KDM3B: variants seen among roughly 807,000 people sequenced by gnomAD.
KDM3B encodes lysine demethylase 3B, also known as lysine-specific demethylase 3B.
KDM3B carries 10 observed loss-of-function variants against 170.0 expected under a neutral mutation model. That is an observed-to-expected ratio of 0.06 (90% CI 0.04 to 0.10). The LOEUF (loss-of-function observed/expected upper bound fraction) is 0.10. Ranked by LOEUF, KDM3B falls within the 10% of genes least tolerant of loss-of-function variation. The pLI, the probability that KDM3B is intolerant of heterozygous loss-of-function variation, is 1.00. For missense variants in KDM3B, 1,394 were observed against 2,195.2 expected, an observed-to-expected ratio of 0.64 and a Z score of 7.29; for synonymous variants, 831 against 834.8, an observed-to-expected ratio of 1.00 and a Z score of 0.08.
chr5:138,362,548 GTA>G lies in KDM3B; in HGVS notation c.192+9564_192+9565del, dbSNP rs1476038546. On this transcript the variant is annotated intron_variant, in intron 1 of 23. Transcript: ENST00000314358. The stretch of plus-strand genomic sequence containing the variant: ...CCAGGATATATATATACATATATGT[GTA>G]TACACACACACACACACACACACAC... 7.3e-5 allele frequency among the ~76,000 whole-genome samples: 5 copies of G among 68,848 alleles called. No homozygotes were observed. The Admixed American group carries it at 8.2e-4, about 11-fold the overall frequency. The allele number at this position is 68,848 out of a possible 152,430, so 45.2% of individuals were successfully genotyped here. A position where few individuals can be genotyped will look rare whatever the true frequency, so the allele number is the denominator to read the frequency against.
In KDM3B at chr5:138,396,186, C is replaced by T. The variant is rs566453578; in HGVS notation, c.2832-1992C>T. On this transcript the variant is annotated intron_variant, in intron 9 of 23. Coordinates refer to ENST00000314358, the MANE Select transcript of KDM3B (RefSeq NM_016604.4). Reference sequence around the variant, plus strand: ...TCTTGGCTCACTGCAATCTCCGCCTCCCGGGTTCACGCCATTCTCCTGCCT... The same window carrying T: ...TCTTGGCTCACTGCAATCTCCGCCTTCCGGGTTCACGCCATTCTCCTGCCT... Among the ~76,000 whole-genome samples, 6 of 152,120 alleles carry T rather than the reference C, an allele frequency of 3.9e-5. No homozygotes were observed. The East Asian group carries it at 1.2e-3, about 30-fold the overall frequency.
rs1001965359 is a variant in KDM3B at position 138,369,628 on chromosome 5, G to A, written c.193-3046G>A. On this transcript the variant is annotated intron_variant, in intron 1 of 23. Transcript: ENST00000314358. The stretch of plus-strand genomic sequence containing the variant: ...GCCTCATTGGCTACTGCTTCCTTCC[G>A]ACAGTGTGTTAAATAGGTCCTGACC... Among the ~76,000 whole-genome samples, 32 of 152,110 alleles carry A rather than the reference G, an allele frequency of 2.1e-4. 1 individual carries two copies. The highest frequency in any genetic ancestry group is 2.0e-3 in the Admixed American group (31 of 15,276).
Position 138,396,695 on chromosome 5 carries a change from G to C in KDM3B, c.2832-1483G>C, listed in dbSNP as rs533861015. On this transcript the variant is annotated intron_variant, in intron 9 of 23. Transcript: ENST00000314358. ...GAAGTGTGGTAGTGTCGTGGTGGGA[G>C]CTTGTGGAGGTTGTTTTCTGGCTCC... is the stretch of plus-strand genomic sequence containing the variant. Among the ~76,000 whole-genome samples, 16 of 152,248 alleles carry C rather than the reference G, an allele frequency of 1.1e-4. 1 individual carries two copies. The South Asian group carries it at 3.1e-3, about 30-fold the overall frequency.
In KDM3B at chr5:138,436,826, A is replaced by G. The variant is rs2127016091; in HGVS notation, c.*1126A>G. The G allele has an allele frequency of 6.6e-6, 1 of 152,262 alleles. No individual in the cohort carries two copies. The allele number at this position is 152,262 out of a possible 1,614,324, so 9.4% of individuals were successfully genotyped here. On this transcript the variant is annotated 3_prime_UTR_variant, in exon 24 of 24. Coordinates refer to ENST00000314358, the MANE Select transcript of KDM3B (RefSeq NM_016604.4). ...TGAAAATGGTGGGATTCATTGGCCC[A>G]TAGGTACATTGGAAAATGTATATCT...
intron 6 of KDM3B, among the ~76,000 whole-genome samples, chr5:138,383,824 C>T (rs1762184211): frequency 6.6e-6 from 1 of 152,038 alleles, no homozygotes; most frequent in Non-Finnish European, 1.5e-5. Context: ...GTGGCGGGCA[C>T]CTGTAATCCC....
intron 22 of KDM3B, among the ~76,000 whole-genome samples, chr5:138,430,931 A>G (rs1168253238): frequency 6.6e-6 from 1 of 152,204 alleles, no homozygotes; most frequent in African/African-American, 2.4e-5. Flanking sequence ...TTAAAGAAAA[A>G]GTGACAAGTC....
chr5:138,406,864 G>A (rs953833565), intron 11 of KDM3B, among the ~76,000 whole-genome samples: 1 of 151,668 alleles, frequency 6.6e-6, no homozygotes, highest in East Asian at 1.9e-4. Flanking sequence ...AGACCAGCAG[G>A]GGAACATAGT....
intron 1 of KDM3B, among the ~76,000 whole-genome samples, chr5:138,370,634 T>A (rs1177018087): frequency 6.6e-6 from 1 of 152,130 alleles, no homozygotes; most frequent in African/African-American, 2.4e-5. Flanking sequence ...ATTTGAAAAA[T>A]CATAGCACAT....
chr5:138,424,398 C>G lies in KDM3B; in HGVS notation c.4239+57C>G. ...TTCTCTGCCTGCCTACCACAGATAC[C>G]TGGACAATTCCAGGTCTCTCTTTTT... On this transcript the variant is annotated intron_variant, in intron 16 of 23. Transcript: ENST00000314358. The G allele has an allele frequency of 1.9e-6, 3 of 1,549,868 alleles. No individual in the cohort carries two copies. In the East Asian group the frequency reaches 6.8e-5, roughly 35 times the overall value.
intron 1 of KDM3B, among the ~76,000 whole-genome samples, chr5:138,369,056 G>A (rs1257986549): frequency 3.9e-5 from 6 of 152,132 alleles, no homozygotes; most frequent in Non-Finnish European, 8.8e-5. Context: ...TTTTTAAAGT[G>A]GTTGGCAGTT....
At chr5:138,419,949 G>A (rs994281045) in intron 14 of KDM3B, among the ~76,000 whole-genome samples, 1 of 151,906 alleles carries the variant, frequency 6.6e-6, no homozygotes, top group South Asian at 2.1e-4. Flanking sequence ...GCAGTGGCGC[G>A]ATCTTGGCTC....
chr5:138,352,708 G>C lies in KDM3B; in HGVS notation c.-88G>C. ...GGGAACGGCGGCCGCGGGTGGTGCGGAGGGAGGCCTTGCGGGCGGATCGGG... is the reference window on the plus strand; with the variant it reads ...GGGAACGGCGGCCGCGGGTGGTGCGCAGGGAGGCCTTGCGGGCGGATCGGG... On this transcript the variant is annotated 5_prime_UTR_variant, in exon 1 of 24. Transcript: ENST00000314358. 1 of 1,057,732 alleles carries C rather than the reference G, an allele frequency of 9.5e-7. No individual in the cohort carries two copies. Among genetic ancestry groups the C allele is most frequent in the Non-Finnish European group, 1.2e-6 (1 of 847,696 alleles). The allele number at this position is 1,057,732 out of a possible 1,614,324, so 65.5% of individuals were successfully genotyped here.
intron 15 of KDM3B, among the ~76,000 whole-genome samples, chr5:138,423,577 C>T (rs1301334599): frequency 6.6e-6 from 1 of 152,148 alleles, no homozygotes; most frequent in African/African-American, 2.4e-5. Flanking sequence ...AATGTACTTC[C>T]TCTTGGACAC....
In KDM3B at chr5:138,391,651, C is replaced by T; in HGVS notation, c.2019C>T (p.Ser673=). ...ATTVTSKVAP[S]WPESHSSADS... ...CTGTCACCTCCAAGGTGGCACCCAG[C>T]TGGCCCGAGTCTCACTCCTCTGCAG... The change falls in exon 8 of 24, where the codon AGC becomes AGT. Residue 673 remains serine, a synonymous_variant. Transcript: ENST00000314358. This position sits in a 1 kb window ranked among gnomAD's most constrained non-coding sequence, Gnocchi z 5.0. 4 of 1,614,122 alleles carry T rather than the reference C, an allele frequency of 2.5e-6. No homozygotes were observed. The highest frequency in any genetic ancestry group is 3.4e-6 in the Non-Finnish European group (4 of 1,180,034).
intron 1 of KDM3B, among the ~76,000 whole-genome samples, chr5:138,361,176 T>A (rs1397263029): frequency 6.6e-6 from 1 of 152,114 alleles, no homozygotes; most frequent in Non-Finnish European, 1.5e-5. Flanking sequence ...TCCACTGCCT[T>A]TGACAGGTTG....
At chr5:138,379,050 G>A (rs1044197779) in intron 4 of KDM3B, among the ~76,000 whole-genome samples, 2 of 152,014 alleles carry the variant, frequency 1.3e-5, no homozygotes, top group Non-Finnish European at 2.9e-5. Context: ...ATTTATATTT[G>A]TTCAGCCTAT....
Position 138,375,141 on chromosome 5 carries a change from G to C in KDM3B, c.409G>C (p.Val137Leu). 1 of 1,613,934 alleles carries C rather than the reference G, an allele frequency of 6.2e-7. No individual in the cohort carries two copies. The highest frequency in any genetic ancestry group is 1.3e-5 in the African/African-American group (1 of 75,048). ...ACTGGGTTTGGGTTCTGTGGTTCCA[G>C]TGGAATATCTTCTGGATCGAGAGCT... is the stretch of plus-strand genomic sequence containing the variant. ...DKLGLGSVVPVEYLLDRELRF... is the reference protein window; with the variant it reads ...DKLGLGSVVPLEYLLDRELRF... The change falls in exon 3 of 24, where the codon GTG (valine) becomes CTG (leucine). Residue 137 changes from valine (V) to leucine (L), a missense_variant. By Grantham distance (32) the Val-to-Leu change is conservative (BLOSUM62 1). Coordinates refer to ENST00000314358, the MANE Select transcript of KDM3B (RefSeq NM_016604.4).
intron 11 of KDM3B, among the ~76,000 whole-genome samples, chr5:138,410,802 CAG>C (rs757176402): frequency 2.0e-5 from 3 of 151,878 alleles, no homozygotes; most frequent in African/African-American, 7.2e-5. Flanking sequence ...GCAGCCGAGG[CAG>C]AGAGAGAGAG....
At chr5:138,371,058 C>T (rs548690271) in intron 1 of KDM3B, among the ~76,000 whole-genome samples, 3 of 152,282 alleles carry the variant, frequency 2.0e-5, no homozygotes, top group Non-Finnish European at 2.9e-5. Flanking sequence ...CCACCCGCCT[C>T]GGCCTCCCAA....
Sources: allele counts gnomAD v4.1 joint callset (sites outside exome capture counted in the v4.1 genomes callset), GRCh38; gene constraint gnomAD v4.1.1; non-coding constraint Gnocchi (gnomAD v3.1); transcripts MANE v1.5; gene names NCBI Gene and HGNC (gene_info 2026-07-23, HGNC 2026-07-21).